The following PDE8A variants were observed in gnomAD, a reference collection of about 807,000 sequenced individuals.
PDE8A encodes the protein phosphodiesterase 8A.
In PDE8A, 59 loss-of-function variants were observed where a neutral mutation model predicts 105.0. That is an observed-to-expected ratio of 0.56 (90% confidence interval 0.46 to 0.70). The LOEUF (loss-of-function observed/expected upper bound fraction) is 0.70. Ranked by LOEUF, PDE8A falls within the 30% of genes least tolerant of loss-of-function variation. The pLI is 0.00. For missense variants in PDE8A, 1,014 were observed against 1,045.9 expected (o/e 0.97, Z 0.42); for synonymous variants, 355 against 371.9 (o/e 0.95, Z 0.52).
At chr15:85,137,145 C>G (rs1292549320) in intron 21 of PDE8A, among the ~76,000 whole-genome samples, 1 of 152,152 alleles carries the variant, frequency 6.6e-6, no homozygotes, top group Non-Finnish European at 1.5e-5. Flanking sequence ...CATCTTCGTC[C>G]TGAGGGCTGC....
intron 3 of PDE8A, among the ~76,000 whole-genome samples, chr15:85,068,762 C>T (rs1394816123): frequency 7.2e-5 from 11 of 151,972 alleles, no homozygotes; most frequent in Non-Finnish European, 1.5e-5. Flanking sequence ...TTGTCCAGGC[C>T]CAAGCCTAGC....
At chr15:85,016,950 C>CTT (rs769768560) in intron 1 of PDE8A, among the ~76,000 whole-genome samples, 5 of 141,494 alleles carry the variant, frequency 3.5e-5, no homozygotes, top group African/African-American at 5.1e-5. Context: ...CTGAATTTCC[C>CTT]TTTTTTTTTT....
chr15:85,032,491 G>T (rs1333600421), intron 1 of PDE8A, among the ~76,000 whole-genome samples: 4 of 152,100 alleles, frequency 2.6e-5, no homozygotes. Flanking sequence ...AGACTTCCTT[G>T]TTCTATTTCT....
At chr15:85,041,420 C>T (rs143803948) in intron 1 of PDE8A, among the ~76,000 whole-genome samples, 1 of 152,332 alleles carries the variant, frequency 6.6e-6, no homozygotes, top group African/African-American at 2.4e-5. Flanking sequence ...AGGCCAAGAG[C>T]AGCCCCACAG....
intron 20 of PDE8A, among the ~76,000 whole-genome samples, chr15:85,135,330 C>G (rs1269506107): frequency 6.6e-6 from 1 of 152,094 alleles, no homozygotes; most frequent in Non-Finnish European, 1.5e-5. Flanking sequence ...TCTCCCTTAC[C>G]ACACCTGGCC....
chr15:85,019,711 C>T (rs1435987175), intron 1 of PDE8A, among the ~76,000 whole-genome samples: 1 of 152,036 alleles, frequency 6.6e-6, no homozygotes, highest in Non-Finnish European at 1.5e-5. Flanking sequence ...TCCCAAGTAG[C>T]TGGGACTACA....
rs2082091399 is a variant in PDE8A, at chr15:85,116,034, G to A, written c.1450G>A (p.Val484Ile). 1 of 1,613,180 alleles carries A rather than the reference G, an allele frequency of 6.2e-7. No homozygotes were observed. The highest frequency in any genetic ancestry group is 8.5e-7 in the Non-Finnish European group (1 of 1,179,298). ...AATCACTCCCATCTCCCTTGATGAT[G>A]TCCCACCACGGATAGCTCGGGCCAT... is the stretch of plus-strand genomic sequence containing the variant. ...NIITPISLDDVPPRIARAMEN... is the reference protein window; with the variant it reads ...NIITPISLDDIPPRIARAMEN... Residue 484 changes from valine to isoleucine, a missense_variant, in exon 16 of 22, where the codon GTC becomes ATC. Coordinates refer to ENST00000394553, the MANE Select transcript of PDE8A (RefSeq NM_002605.3).
intron 11 of PDE8A, among the ~76,000 whole-genome samples, chr15:85,105,588 G>A (rs1232735104): frequency 4.6e-5 from 7 of 152,106 alleles, no homozygotes; most frequent in African/African-American, 1.7e-4. Flanking sequence ...AGGGTTTCCT[G>A]GATTTACCCA....
Position 84,990,996 on chromosome 15 carries a change from C to T in PDE8A, c.186+8648C>T, listed in dbSNP as rs367909342. ...CCTTGATGGCTGATGATTTTGAGTA[C>T]TTTTTCCGTGTGCTTGTTGTTCATT... On this transcript the variant is annotated intron_variant, in intron 1 of 21. Coordinates refer to ENST00000394553, the MANE Select transcript of PDE8A (RefSeq NM_002605.3). Among the ~76,000 whole-genome samples the T allele has an allele frequency of 4.6e-5, 7 of 152,092 alleles. No individual in the cohort carries two copies. In the East Asian group the frequency reaches 9.6e-4, roughly 21 times the overall value.
At chr15:85,008,565 C>G (rs370977720) in intron 1 of PDE8A, among the ~76,000 whole-genome samples, 65 of 152,204 alleles carry the variant, frequency 4.3e-4, no homozygotes, top group African/African-American at 1.6e-3. Context: ...ATTTTAAATT[C>G]TGCTACCAGG....
chr15:85,122,914 T>C, intron 18 of PDE8A, 147 bp from the exon 19 acceptor site: 1 of 810,854 alleles, frequency 1.2e-6, no homozygotes, highest in Non-Finnish European at 2.0e-6. Flanking sequence ...AACTTCCATG[T>C]CTTTTTAAAA....
At chr15:85,057,637 G>A (rs1451650473) in intron 1 of PDE8A, among the ~76,000 whole-genome samples, 1 of 152,226 alleles carries the variant, frequency 6.6e-6, no homozygotes, top group Non-Finnish European at 1.5e-5. Flanking sequence ...GCTGTAGACT[G>A]GAGCTGTTCC....
At chr15:85,073,510 C>G (rs1373194826) in intron 3 of PDE8A, among the ~76,000 whole-genome samples, 1 of 152,212 alleles carries the variant, frequency 6.6e-6, no homozygotes, top group Non-Finnish European at 1.5e-5. Flanking sequence ...AGGAGTAGTT[C>G]ATTCAAAGCT....
At chr15:85,111,970 A>G (rs1030497682) in intron 12 of PDE8A, among the ~76,000 whole-genome samples, 13 of 152,096 alleles carry the variant, frequency 8.5e-5, no homozygotes, top group South Asian at 2.1e-4. Context: ...TAAATTTCCA[A>G]TTGCTTATTG....
At chr15:85,001,242 T>C (rs2080062368) in intron 1 of PDE8A, among the ~76,000 whole-genome samples, 1 of 152,248 alleles carries the variant, frequency 6.6e-6, no homozygotes, top group Admixed American at 6.5e-5. Flanking sequence ...CTTCCCAATT[T>C]AATCAGTGTA....
In PDE8A at chr15:85,075,865, T is replaced by C; in HGVS notation, c.438T>C (p.Ser146=). ...RQLDAEALCR[S]IRSSKLSENT... is the part of the protein sequence containing the mutation. Reference sequence around the variant, plus strand: ...AAAGTTTTGTGTTTTTTTTAAGGTCTATCAGATCATCAAAACTCTCAGAAA... The same window carrying C: ...AAAGTTTTGTGTTTTTTTTAAGGTCCATCAGATCATCAAAACTCTCAGAAA... Residue 146 remains serine, a synonymous_variant, in exon 4 of 22, where the codon TCT becomes TCC. Transcript: ENST00000394553. The C allele has an allele frequency of 1.3e-6, 2 of 1,534,688 alleles. No individual in the cohort carries two copies. The highest frequency in any genetic ancestry group is 1.8e-6 in the Non-Finnish European group (2 of 1,115,038).
chr15:85,059,727 T>C (rs1222921315), intron 1 of PDE8A, among the ~76,000 whole-genome samples: 2 of 152,244 alleles, frequency 1.3e-5, no homozygotes, highest in South Asian at 2.1e-4. Context: ...GAATGTCTTA[T>C]AGACCACATA....
chr15:84,987,557 C>A (rs182557005), intron 1 of PDE8A, among the ~76,000 whole-genome samples: 1 of 151,102 alleles, frequency 6.6e-6, no homozygotes, highest in African/African-American at 2.4e-5. Flanking sequence ...CCACAACCTC[C>A]GCCTCCCGGG....
chr15:85,085,977 A>T (rs2081546219), intron 6 of PDE8A, among the ~76,000 whole-genome samples: 1 of 151,478 alleles, frequency 6.6e-6, no homozygotes, highest in Admixed American at 6.6e-5. Flanking sequence ...GAGCCACTGC[A>T]CTCCAGCCTG....
Sources: allele counts gnomAD v4.1 joint callset (sites outside exome capture counted in the v4.1 genomes callset), GRCh38; gene constraint gnomAD v4.1.1; transcripts MANE v1.5; gene names NCBI Gene and HGNC (gene_info 2026-07-23, HGNC 2026-07-21).